F11: variants seen among roughly 807,000 people sequenced by gnomAD.
The protein encoded by F11 is coagualtion factor XI.
Under a neutral mutation model 76.5 loss-of-function variants are expected in F11, and 78 were observed. The observed-to-expected ratio is 1.02, with a 90% CI of 0.85 to 1.23. F11 has a LOEUF of 1.23. Among genes scored for constraint, F11 ranks in the 50% most tolerant of loss-of-function variants. The pLI is 0.00. For synonymous variants in F11, 278 were observed against 276.3 expected, an observed-to-expected ratio of 1.01 and a Z score of -0.06; for missense variants, 742 against 771.4, an observed-to-expected ratio of 0.96 and a Z score of 0.45.
downstream of F11, among the ~76,000 whole-genome samples, chr4:186,290,454 T>G (rs1034983007): frequency 2.6e-5 from 4 of 152,218 alleles, no homozygotes; most frequent in African/African-American, 9.6e-5. Context: ...TCTTGTTACT[T>G]GCTTATTACC....
intron 1 of F11, among the ~76,000 whole-genome samples, chr4:186,266,660 C>T (rs917573061): frequency 1.3e-5 from 2 of 151,952 alleles, no homozygotes; most frequent in Admixed American, 6.6e-5. Context: ...CCAAGACAAT[C>T]GATTAATGTA....
chr4:186,268,674 T>C (rs1287868673), intron 2 of F11, among the ~76,000 whole-genome samples: 1 of 151,890 alleles, frequency 6.6e-6, no homozygotes, highest in Non-Finnish European at 1.5e-5. Flanking sequence ...TGTTTGAAAA[T>C]TGAGTATTTA....
At chr4:186,270,114 G>A (rs1306319942) in intron 2 of F11, among the ~76,000 whole-genome samples, 1 of 152,190 alleles carries the variant, frequency 6.6e-6, no homozygotes, top group Admixed American at 6.5e-5. Flanking sequence ...TTTCACAGAT[G>A]ATGTGATTGA....
chr4:186,286,792 C>T, intron 13 of F11: 1 of 833,706 alleles, frequency 1.2e-6, no homozygotes, highest in Non-Finnish European at 1.4e-6. Context: ...AGCCTGCTAT[C>T]CAATTACTTT....
chr4:186,276,710 CT>C (rs1394470682), intron 7 of F11, among the ~76,000 whole-genome samples: 11 of 151,094 alleles, frequency 7.3e-5, no homozygotes, highest in African/African-American at 2.7e-4. Flanking sequence ...CCTCAGCCTC[CT>C]GAGTAGCTGG....
intron 6 of F11, 34 bp downstream of exon 6, chr4:186,275,930 C>A (rs142064053): frequency 1.4e-6 from 2 of 1,477,376 alleles, no homozygotes; most frequent in Non-Finnish European, 1.9e-6. Flanking sequence ...GTAATTCAAC[C>A]ATTAAATATG....
In F11 at chr4:186,285,977, C is replaced by T. The variant is rs1290081597; in HGVS notation, c.1480+164C>T. 8 of 782,180 alleles carry T rather than the reference C, an allele frequency of 1.0e-5. No homozygotes were observed. The African/African-American group carries it at 1.0e-4, about 10-fold the overall frequency. The allele number at this position is 782,180 out of a possible 1,614,324, so 48.5% of individuals were successfully genotyped here. ...CATTCACTCTGCTAAGGCTGACACA[C>T]TTTCCTGGCTATTGAAACTTATTTT... On this transcript the variant is annotated intron_variant, in intron 12 of 14. Coordinates refer to ENST00000403665, the MANE Select transcript of F11 (RefSeq NM_000128.4).
At position 186,280,072 on chromosome 4, in the gene F11, C is replaced by G; in HGVS notation, c.816C>G (p.Ser272Arg). 1 of 1,614,170 alleles carries G rather than the reference C, an allele frequency of 6.2e-7. No individual in the cohort carries two copies. The highest frequency in any genetic ancestry group is 8.5e-7 in the Non-Finnish European group (1 of 1,180,026). Residue 272 changes from serine (S) to arginine (R), a missense_variant, in exon 8 of 15, where the codon AGC (serine) becomes AGG (arginine). Coordinates refer to ENST00000403665, the MANE Select transcript of F11 (RefSeq NM_000128.4). The part of the protein sequence containing the change: ...SGLPSTRIKK[S>R]KALSGFSLQS... ...TGCCCAGTACACGCATTAAAAAGAG[C>G]AAAGCTCTTTCTGGTTTCAGTCTAC...
chr4:186,274,391 C>A, intron 5 of F11, 116 bp downstream of exon 5: 3 of 1,312,584 alleles, frequency 2.3e-6, no homozygotes, highest in Non-Finnish European at 3.2e-6. Flanking sequence ...AAAGACATTT[C>A]TATAATAGTA....
At chr4:186,276,021 T>G in intron 6 of F11, 125 bp downstream of exon 6, 3 of 947,960 alleles carry the variant, frequency 3.2e-6, no homozygotes, top group Non-Finnish European at 3.3e-6. Context: ...ACCTTCTTCA[T>G]GTGATAGATT....
At chr4:186,267,253 C>T (rs1319323145) in intron 2 of F11, 62 bp downstream of exon 2, 3 of 991,952 alleles carry the variant, frequency 3.0e-6, no homozygotes, top group East Asian at 2.4e-5. Flanking sequence ...AATCTCCACA[C>T]ATGTGGGAGA....
At chr4:186,288,340 A>G in intron 14 of F11, 113 bp from the exon 15 acceptor site, 2 of 1,319,094 alleles carry the variant, frequency 1.5e-6, no homozygotes, top group Non-Finnish European at 2.2e-6. Flanking sequence ...TCTCTGCAGT[A>G]TATTAAGGGG....
intron 10 of F11, 107 bp downstream of exon 10, chr4:186,280,687 A>G (rs1740734249): frequency 1.3e-5 from 14 of 1,042,922 alleles, no homozygotes. Context: ...AACATTCAGG[A>G]AATAACAAAT....
chr4:186,290,146 GT>G (rs1444790556), downstream of F11, among the ~76,000 whole-genome samples: 1 of 152,162 alleles, frequency 6.6e-6, no homozygotes, highest in Non-Finnish European at 1.5e-5. Context: ...GCTGAAATGA[GT>G]GGCTGCACCA....
Position 186,275,799 on chromosome 4 carries a change from A to G in F11, c.498A>G (p.Leu166=), listed in dbSNP as rs1360168118. Residue 166 remains leucine (L), a synonymous_variant, in exon 6 of 15, where the codon CTA becomes CTG. Coordinates refer to ENST00000403665, the MANE Select transcript of F11 (RefSeq NM_000128.4). The part of the protein sequence containing the change: ...FPSLEHRNIC[L]LKHTQTGTPT... ...TCTTTTTATTCAGTAACATTTGTCTACTGAAGCACACCCAAACAGGGACAC... is the reference window on the plus strand; with the variant it reads ...TCTTTTTATTCAGTAACATTTGTCTGCTGAAGCACACCCAAACAGGGACAC... 17 of 1,612,444 alleles carry G rather than the reference A, an allele frequency of 1.1e-5. No homozygotes were observed. The East Asian group carries it at 1.3e-4, about 13-fold the overall frequency.
Position 186,284,176 on chromosome 4 carries a change from C to A in F11, c.1220C>A (p.Thr407Lys). ...GEWPWQVTLH[T>K]TSPTQRHLCG... The stretch of plus-strand genomic sequence containing the variant: ...TGGCCGTGGCAGGTGACCCTGCACA[C>A]AACCTCACCCACTCAGAGACACCTG... The change falls in exon 11 of 15, where the codon ACA (threonine) becomes AAA (lysine). Residue 407 changes from threonine (T) to lysine (K), a missense_variant. Coordinates refer to ENST00000403665, the MANE Select transcript of F11 (RefSeq NM_000128.4). 2 of 1,614,240 alleles carry A rather than the reference C, an allele frequency of 1.2e-6. No homozygotes were observed. The highest frequency in any genetic ancestry group is 2.2e-5 in the East Asian group (1 of 44,886).
chr4:186,267,748 G>A (rs1487910330), intron 2 of F11, among the ~76,000 whole-genome samples: 1 of 152,130 alleles, frequency 6.6e-6, no homozygotes, highest in Admixed American at 6.5e-5. Flanking sequence ...TAAAATGAAA[G>A]CTGAAGCATT....
intron 7 of F11, among the ~76,000 whole-genome samples, chr4:186,278,606 C>A (rs4253844): frequency 1.3e-5 from 2 of 152,052 alleles, no homozygotes; most frequent in Admixed American, 6.5e-5. Flanking sequence ...AGTGATAGCA[C>A]CAAGACTTTT....
At chr4:186,288,059 C>T (rs2126789298) in intron 14 of F11, among the ~76,000 whole-genome samples, 1 of 150,936 alleles carries the variant, frequency 6.6e-6, no homozygotes, top group East Asian at 1.9e-4. Flanking sequence ...CGCCAGCTAC[C>T]AAGCCCAGCT....
Sources: allele counts gnomAD v4.1 joint callset (sites outside exome capture counted in the v4.1 genomes callset), GRCh38; gene constraint gnomAD v4.1.1; transcripts MANE v1.5; gene names NCBI Gene and HGNC (gene_info 2026-07-23, HGNC 2026-07-21).